The following PTH2R variants were observed in gnomAD, a reference collection of about 807,000 sequenced individuals.
PTH2R encodes PTH2 receptor.
Under a neutral mutation model 60.3 loss-of-function variants are expected in PTH2R, and 59 were observed. The ratio of observed to expected loss-of-function variants is 0.98; its 90% confidence interval spans 0.79 to 1.22. The LOEUF (loss-of-function observed/expected upper bound fraction) is 1.22. Among genes scored for constraint, PTH2R ranks in the 50% most tolerant of loss-of-function variants. PTH2R has a pLI of 0.00. For synonymous variants in PTH2R, 256 were observed against 243.8 expected (o/e 1.05, Z -0.47); for missense variants, 749 against 682.6 (o/e 1.10, Z -1.08).
upstream of PTH2R, among the ~76,000 whole-genome samples, chr2:208,401,882 GTGT>G (rs1043631838): frequency 3.9e-5 from 6 of 152,190 alleles, no homozygotes; most frequent in South Asian, 2.1e-4. Context: ...TAGCCACAGT[GTGT>G]TGTTGTTATT....
chr2:208,437,904 G>T, intron 4 of PTH2R, 23 bp downstream of exon 4: 1 of 1,601,720 alleles, frequency 6.2e-7, no homozygotes, highest in Non-Finnish European at 8.5e-7. Flanking sequence ...CTCTATTTGT[G>T]AATTCCTAAG....
At chr2:208,472,208 G>A (rs1702897640) in intron 9 of PTH2R, among the ~76,000 whole-genome samples, 1 of 152,164 alleles carries the variant, frequency 6.6e-6, no homozygotes, top group Non-Finnish European at 1.5e-5. Context: ...AAGGCTTTGG[G>A]GGCCTGTTGG....
chr2:208,365,960 A>ATTTTTT (rs1172950601), intron 1 of PTH2R, among the ~76,000 whole-genome samples: 2 of 16,114 alleles, frequency 1.2e-4, no homozygotes, highest in African/African-American at 2.4e-4. Flanking sequence ...ATATATATAT[A>ATTTTTT]TTTTTTTTTT....
intron 1 of PTH2R, among the ~76,000 whole-genome samples, chr2:208,413,298 G>A (rs1473257707): frequency 6.6e-6 from 1 of 152,116 alleles, no homozygotes; most frequent in African/African-American, 2.4e-5. Context: ...TTATTATCAT[G>A]GTATGTGCTC....
chr2:208,381,416 C>A lies in PTH2R; in HGVS notation c.-259+21179C>A, dbSNP rs188298583. ...CATTTTTAAAATACAAATAACTATT[C>A]TTTACTTAAATTTTTATTTCTAGAC... On this transcript the variant is annotated intron_variant, in intron 1 of 12. Transcript: ENST00000617735. Among the ~76,000 whole-genome samples, 4 of 152,096 alleles carry A rather than the reference C, an allele frequency of 2.6e-5. No homozygotes were observed. In the East Asian group the frequency reaches 7.7e-4, roughly 29 times the overall value.
intron 2 of PTH2R, among the ~76,000 whole-genome samples, chr2:208,430,171 C>A (rs1032042588): frequency 2.6e-5 from 4 of 152,146 alleles, no homozygotes; most frequent in Non-Finnish European, 5.9e-5. Flanking sequence ...TAAAGTTTAT[C>A]ATTCTCTTCC....
At chr2:208,370,245 C>T (rs1372635436) in intron 1 of PTH2R, among the ~76,000 whole-genome samples, 1 of 151,716 alleles carries the variant, frequency 6.6e-6, no homozygotes, top group Non-Finnish European at 1.5e-5. Context: ...GGATCGAGAC[C>T]ATCCTAGCTA....
intron 1 of PTH2R, among the ~76,000 whole-genome samples, chr2:208,411,904 A>C (rs1479570494): frequency 6.6e-6 from 1 of 152,230 alleles, no homozygotes; most frequent in Non-Finnish European, 1.5e-5. Context: ...GCCTGATAAC[A>C]AAAGATGTCA....
intron 1 of PTH2R, among the ~76,000 whole-genome samples, chr2:208,386,454 A>C (rs796235510): frequency 4.6e-5 from 7 of 152,282 alleles, no homozygotes; most frequent in Admixed American, 1.3e-4. Context: ...AAATATGTGG[A>C]GCTCTTAGCA....
intron 6 of PTH2R, among the ~76,000 whole-genome samples, chr2:208,444,366 G>T (rs1352892285): frequency 2.0e-5 from 3 of 152,168 alleles, no homozygotes; most frequent in Non-Finnish European, 4.4e-5. Flanking sequence ...CTGCATAAAA[G>T]ACCAAAATAA....
chr2:208,405,272 A>T (rs907038807), upstream of PTH2R, among the ~76,000 whole-genome samples: 2 of 152,200 alleles, frequency 1.3e-5, no homozygotes. Flanking sequence ...GAACTAGAAA[A>T]AAGATCTGAT....
chr2:208,457,715 A>G (rs778315625), intron 8 of PTH2R, among the ~76,000 whole-genome samples: 3 of 152,206 alleles, frequency 2.0e-5, no homozygotes, highest in Non-Finnish European at 2.9e-5. Flanking sequence ...AGACAGGAAC[A>G]TGGGGAGGAC....
intron 1 of PTH2R, among the ~76,000 whole-genome samples, chr2:208,416,507 C>A (rs1239867533): frequency 6.6e-6 from 1 of 152,200 alleles, no homozygotes; most frequent in Non-Finnish European, 1.5e-5. Context: ...ATAAAGCTTA[C>A]TATGATTTTT....
intron 8 of PTH2R, among the ~76,000 whole-genome samples, chr2:208,455,291 G>C (rs926270693): frequency 6.6e-6 from 1 of 152,112 alleles, no homozygotes; most frequent in Non-Finnish European, 1.5e-5. Context: ...GTATGACCTA[G>C]ATTCAGAATT....
chr2:208,423,710 T>C (rs1218203179), intron 1 of PTH2R, among the ~76,000 whole-genome samples: 1 of 152,206 alleles, frequency 6.6e-6, no homozygotes, highest in East Asian at 1.9e-4. Flanking sequence ...GTTGTAGTAG[T>C]GGATTTGTTT....
chr2:208,485,994 A>C (rs1703265320), intron 10 of PTH2R, among the ~76,000 whole-genome samples: 1 of 152,184 alleles, frequency 6.6e-6, no homozygotes, highest in East Asian at 1.9e-4. Context: ...TTGTGTGACC[A>C]CTGGTTGACA....
intron 1 of PTH2R, among the ~76,000 whole-genome samples, chr2:208,425,909 T>C (rs1197945489): frequency 6.6e-6 from 1 of 152,252 alleles, no homozygotes; most frequent in Non-Finnish European, 1.5e-5. Context: ...ATCTGTAGCC[T>C]GCTCTGCTAT....
At chr2:208,453,713 C>T (rs1702454345) in intron 8 of PTH2R, among the ~76,000 whole-genome samples, 1 of 152,082 alleles carries the variant, frequency 6.6e-6, no homozygotes, top group Non-Finnish European at 1.5e-5. Context: ...GTTTTTCTTC[C>T]ATTCATGACT....
chr2:208,463,232 C>T (rs1049178641), intron 9 of PTH2R, among the ~76,000 whole-genome samples: 1 of 152,162 alleles, frequency 6.6e-6, no homozygotes, highest in Non-Finnish European at 1.5e-5. Context: ...CACACAATGG[C>T]TTTCTTTAGT....
Sources: allele counts gnomAD v4.1 joint callset (sites outside exome capture counted in the v4.1 genomes callset), GRCh38; gene constraint gnomAD v4.1.1; transcripts MANE v1.5; gene names NCBI Gene and HGNC (gene_info 2026-07-23, HGNC 2026-07-21).